Variants in FAM114A2 observed in about 807,000 individuals in gnomAD.
The protein encoded by FAM114A2 is protein FAM114A2.
A neutral mutation model predicts 58.4 loss-of-function variants in FAM114A2; 53 were observed. The ratio of observed to expected loss-of-function variants is 0.91; its 90% confidence interval spans 0.73 to 1.14. FAM114A2 has a LOEUF of 1.14. Among genes scored for constraint, FAM114A2 ranks in the 50% most tolerant of loss-of-function variants. The pLI is 0.00. For synonymous variants in FAM114A2, 228 were observed against 211.4 expected (o/e 1.08, Z -0.68); for missense variants, 601 against 581.1 (o/e 1.03, Z -0.35).
rs778104090 is a variant in FAM114A2 at position 153,993,143 on chromosome 5, T to C, written c.1384-33A>G. The C allele has an allele frequency of 3.2e-6, 5 of 1,578,230 alleles. No homozygotes were observed. In the African/African-American group the frequency reaches 5.5e-5, roughly 17 times the overall value. On this transcript the variant is annotated intron_variant, in intron 13 of 13. Transcript: ENST00000351797. The stretch of plus-strand genomic sequence containing the variant: ...GATTGAAAAAACAAGAAAAAGAAAA[T>C]ATTAGTTATTTAAAAGAGAAGATAT...
chr5:154,028,111 A>T, intron 6 of FAM114A2, 38 bp downstream of exon 6: 1 of 1,549,984 alleles, frequency 6.5e-7, no homozygotes, highest in Non-Finnish European at 8.7e-7. Context: ...ACAGATCAAA[A>T]CAGAAACAGG....
At chr5:154,016,213 C>A (rs534985436) in intron 8 of FAM114A2, among the ~76,000 whole-genome samples, 12 of 151,842 alleles carry the variant, frequency 7.9e-5, no homozygotes, top group African/African-American at 2.9e-4. Context: ...TCGAGGAAAA[C>A]TTCCCCAGCC....
intron 11 of FAM114A2, among the ~76,000 whole-genome samples, chr5:153,998,489 T>G (rs1013707857): frequency 6.6e-6 from 1 of 152,160 alleles, no homozygotes; most frequent in Non-Finnish European, 1.5e-5. Context: ...GGGGAATAAA[T>G]TAGGTCCCAG....
At chr5:154,004,333 C>T (rs1379863972) in intron 9 of FAM114A2, among the ~76,000 whole-genome samples, 1 of 152,092 alleles carries the variant, frequency 6.6e-6, no homozygotes, top group Non-Finnish European at 1.5e-5. Context: ...CTCTTAAACG[C>T]CAATATTATT....
intron 1 of FAM114A2, chr5:154,036,986 C>T (rs1402463027): frequency 2.0e-5 from 3 of 152,224 alleles, no homozygotes; most frequent in Admixed American, 1.3e-4. Context: ...AGGGCAGTTG[C>T]TCTCCAGCTC....
At chr5:154,017,600 A>G (rs1226986821) in intron 8 of FAM114A2, among the ~76,000 whole-genome samples, 1 of 152,340 alleles carries the variant, frequency 6.6e-6, no homozygotes, top group East Asian at 1.9e-4. Context: ...GACTTAACAG[A>G]TATACACAGA....
intron 9 of FAM114A2, among the ~76,000 whole-genome samples, chr5:154,004,426 A>G (rs1770215056): frequency 1.3e-5 from 2 of 152,024 alleles, no homozygotes; most frequent in African/African-American, 4.8e-5. Flanking sequence ...ACTATCCTCA[A>G]CCTGCTGTTG....
Position 154,029,562 on chromosome 5 carries a change from T to C in FAM114A2, c.422A>G (p.Glu141Gly), listed in dbSNP as rs1254198249. 6.2e-7 allele frequency: 1 copy of C among 1,606,610 alleles called. No individual in the cohort carries two copies. The highest frequency in any genetic ancestry group is 1.3e-5 in the African/African-American group (1 of 74,852). ...KYVAGETNAK[E>G]NENSSPVAGA... ...AGCCACTGGGGAGGAGTTTTCATTC[T>C]CTTTGGCATTTGTCTCTCCTACAAG... Residue 141 changes from glutamate (E) to glycine (G), a missense_variant, in exon 5 of 14, where the codon GAG becomes GGG. Coordinates refer to ENST00000351797, the MANE Select transcript of FAM114A2 (RefSeq NM_018691.4).
intron 8 of FAM114A2, among the ~76,000 whole-genome samples, chr5:154,024,285 C>T (rs1374105063): frequency 3.3e-5 from 5 of 152,040 alleles, no homozygotes; most frequent in African/African-American, 4.8e-5. Flanking sequence ...AAGTTTTATA[C>T]ATATACATAT....
At position 154,029,459 on chromosome 5, in the gene FAM114A2, G is replaced by A. The variant is rs189612619; in HGVS notation, c.495+30C>T. On this transcript the variant is annotated intron_variant, in intron 5 of 13. Transcript: ENST00000351797. ...GCAAACCCATTATAATAATGGAAAG[G>A]AACAGACCACCTTGCACTTTTTTAC... 1.1e-5 allele frequency: 13 copies of A among 1,196,902 alleles called. No homozygotes were observed. In the Admixed American group the frequency reaches 1.9e-4, roughly 17 times the overall value. 74.1% of individuals were successfully genotyped at this position (1,196,902 alleles called of 1,614,324 possible).
intron 13 of FAM114A2, 108 bp from the exon 14 acceptor site, chr5:153,993,218 C>A: frequency 1.1e-6 from 1 of 884,124 alleles, no homozygotes. Flanking sequence ...TAACTGAATT[C>A]ATAGCCTGGC....
At chr5:153,993,149 T>C (rs1202680477) in intron 13 of FAM114A2, 39 bp from the exon 14 acceptor site, 3 of 1,568,660 alleles carry the variant, frequency 1.9e-6, no homozygotes, top group East Asian at 4.6e-5. Flanking sequence ...AAAATATTAG[T>C]TATTTAAAAG....
At chr5:154,016,039 C>A (rs1302676815) in intron 8 of FAM114A2, among the ~76,000 whole-genome samples, 1 of 151,960 alleles carries the variant, frequency 6.6e-6, no homozygotes, top group Non-Finnish European at 1.5e-5. Context: ...AGCTCATAGA[C>A]AAGGCCTTCA....
At chr5:154,022,355 A>G (rs1771475581) in intron 8 of FAM114A2, among the ~76,000 whole-genome samples, 1 of 152,238 alleles carries the variant, frequency 6.6e-6, no homozygotes, top group Non-Finnish European at 1.5e-5. Context: ...GGCAACCTAC[A>G]GAATGGGAGA....
intron 11 of FAM114A2, among the ~76,000 whole-genome samples, chr5:154,001,314 T>C (rs1581768740): frequency 1.3e-5 from 2 of 152,198 alleles, no homozygotes; most frequent in African/African-American, 2.4e-5. Flanking sequence ...GACTTTGTGG[T>C]GAAGGAAGGC....
chr5:154,002,444 T>C lies in FAM114A2; in HGVS notation c.1117-54A>G. 2.5e-6 allele frequency: 4 copies of C among 1,570,678 alleles called. No individual in the cohort carries two copies. In the Admixed American group the frequency reaches 6.7e-5, roughly 26 times the overall value. On this transcript the variant is annotated intron_variant, in intron 10 of 13. Coordinates refer to ENST00000351797, the MANE Select transcript of FAM114A2 (RefSeq NM_018691.4). ...CAAAACAAAACATTTGGTGGAAAGA[T>C]ACCACCTTACTTCTCTCATACTACA...
chr5:154,030,614 T>G (rs998131901), intron 4 of FAM114A2, among the ~76,000 whole-genome samples: 2 of 152,148 alleles, frequency 1.3e-5, no homozygotes, highest in African/African-American at 2.4e-5. Context: ...GGCAATCAGT[T>G]TGAGTGGAAG....
chr5:154,007,050 C>T (rs1285135505), intron 9 of FAM114A2, among the ~76,000 whole-genome samples: 1 of 152,228 alleles, frequency 6.6e-6, no homozygotes, highest in East Asian at 1.9e-4. Context: ...CCACCTTGGC[C>T]TCCCAAAGTG....
chr5:154,034,318 C>T lies in FAM114A2; in HGVS notation c.270G>A (p.Lys90=). 6.2e-7 allele frequency: 1 copy of T among 1,601,964 alleles called. No individual in the cohort carries two copies. The highest frequency in any genetic ancestry group is 8.5e-7 in the Non-Finnish European group (1 of 1,173,408). Residue 90 remains lysine (K), a synonymous_variant, in exon 3 of 14, where the codon AAG becomes AAA. Transcript: ENST00000351797. The stretch of plus-strand genomic sequence containing the variant: ...TAGCCGAGGCTGAGGAGAGTATGGA[C>T]TTGCCCCAGCTCCCCCAATAACCCC... ...TRWGYWGSWG[K]SILSSASATV... is the part of the protein sequence containing the mutation.
Sources: gnomAD v4.1 joint callset for allele counts (sites outside exome capture counted in the v4.1 genomes callset) on GRCh38, gnomAD v4.1.1 for gene constraint, MANE v1.5 for transcripts, NCBI Gene and HGNC (gene_info 2026-07-23, HGNC 2026-07-21) for gene names.